MCHR2: variants seen among roughly 807,000 people sequenced by gnomAD.
MCHR2 encodes melanin concentrating hormone receptor 2, also known as melanin-concentrating hormone receptor 2.
Under a neutral mutation model 24.8 loss-of-function variants are expected in MCHR2, and 15 were observed. The observed-to-expected ratio is 0.60, with a 90% confidence interval of 0.40 to 0.93. The LOEUF (loss-of-function observed/expected upper bound fraction) is 0.93, where lower values mean the gene tolerates loss of function less well. MCHR2 is among the 40% of genes least tolerant of loss of function. The probability of loss-of-function intolerance (pLI) is 0.00; values close to 1 mark genes in which losing one functional copy is unlikely to be tolerated. For missense variants in MCHR2, 386 were observed against 408.7 expected (o/e 0.94, Z 0.48); for synonymous variants, 151 against 147.6 (o/e 1.02, Z -0.17).
intron 1 of MCHR2, among the ~76,000 whole-genome samples, chr6:99,967,363 T>C (rs1775313914): frequency 6.6e-6 from 1 of 152,044 alleles, no homozygotes; most frequent in Non-Finnish European, 1.5e-5. Flanking sequence ...AAGACAGTGT[T>C]AAGAAGTCTG....
At chr6:99,935,786 G>C (rs1301295588) in intron 4 of MCHR2, among the ~76,000 whole-genome samples, 2 of 151,666 alleles carry the variant, frequency 1.3e-5, no homozygotes, top group South Asian at 2.1e-4. Context: ...AGCCTTTATA[G>C]TGATTGTAAC....
At chr6:99,991,384 C>T (rs1051157371) in intron 1 of MCHR2, among the ~76,000 whole-genome samples, 5 of 152,282 alleles carry the variant, frequency 3.3e-5, no homozygotes, top group African/African-American at 9.6e-5. Flanking sequence ...AAATTTGGAC[C>T]TAATCTTGGC....
intron 1 of MCHR2, among the ~76,000 whole-genome samples, chr6:99,982,167 A>G (rs1365479210): frequency 6.6e-6 from 1 of 152,008 alleles, no homozygotes; most frequent in African/African-American, 2.4e-5. Context: ...TTCTCACTGC[A>G]GTTATGGCGG....
intron 1 of MCHR2, among the ~76,000 whole-genome samples, chr6:99,963,604 A>T (rs77468011): frequency 0.14 from 20,998 of 152,070 alleles, 1,638 homozygotes; most frequent in African/African-American, 0.2. Flanking sequence ...TTTATAGTTC[A>T]TAATACTGTA....
At chr6:99,973,668 C>T (rs1775484790) in intron 1 of MCHR2, among the ~76,000 whole-genome samples, 1 of 152,192 alleles carries the variant, frequency 6.6e-6, no homozygotes. Flanking sequence ...ATGGTCTTTA[C>T]ATTTTGGCAT....
chr6:99,962,475 G>T (rs1448765109), intron 1 of MCHR2, among the ~76,000 whole-genome samples: 2 of 152,070 alleles, frequency 1.3e-5, no homozygotes, highest in African/African-American at 4.8e-5. Context: ...TTCAACAAGG[G>T]TGCCAAAGTA....
At chr6:99,973,272 G>T (rs1177713611) in intron 1 of MCHR2, among the ~76,000 whole-genome samples, 1 of 151,670 alleles carries the variant, frequency 6.6e-6, no homozygotes, top group Non-Finnish European at 1.5e-5. Flanking sequence ...ATTTATTTAT[G>T]ATAGTTAGCT....
At chr6:99,954,109 C>T (rs905088642) in intron 2 of MCHR2, among the ~76,000 whole-genome samples, 1 of 152,068 alleles carries the variant, frequency 6.6e-6, no homozygotes, top group East Asian at 1.9e-4. Context: ...AATCCAACAA[C>T]TGTCTCTATA....
intron 5 of MCHR2, among the ~76,000 whole-genome samples, chr6:99,932,957 T>G (rs866700456): frequency 1.4e-4 from 22 of 152,162 alleles, no homozygotes; most frequent in African/African-American, 5.3e-4. Flanking sequence ...ATGGGAAAAC[T>G]GAGTGAGGGG....
intron 1 of MCHR2, among the ~76,000 whole-genome samples, chr6:99,988,306 T>C (rs1775804852): frequency 6.6e-6 from 1 of 152,188 alleles, no homozygotes. Context: ...ATCCTCAGTA[T>C]ACAAATCTTT....
intron 3 of MCHR2, among the ~76,000 whole-genome samples, chr6:99,943,529 C>T (rs1774818693): frequency 6.6e-6 from 1 of 151,352 alleles, no homozygotes; most frequent in African/African-American, 2.4e-5. Context: ...TGTTCCCCTT[C>T]CTGTGTCCAT....
chr6:99,965,525 T>C (rs1225154379), intron 1 of MCHR2, among the ~76,000 whole-genome samples: 1 of 152,148 alleles, frequency 6.6e-6, no homozygotes, highest in Non-Finnish European at 1.5e-5. Flanking sequence ...TTTTAAAAAG[T>C]CAAAATGATT....
intron 1 of MCHR2, among the ~76,000 whole-genome samples, chr6:99,974,339 C>T (rs959839522): frequency 3.3e-5 from 5 of 152,192 alleles, no homozygotes; most frequent in Non-Finnish European, 7.3e-5. Flanking sequence ...CACTTTCTTC[C>T]AGTTGATTGC....
At chr6:99,946,085 C>T (rs1398843361) in intron 3 of MCHR2, among the ~76,000 whole-genome samples, 1 of 151,380 alleles carries the variant, frequency 6.6e-6, no homozygotes, top group Non-Finnish European at 1.5e-5. Context: ...TAAAGAAGCT[C>T]GTATTATCCC....
At chr6:99,975,803 C>G (rs1209699774) in intron 1 of MCHR2, among the ~76,000 whole-genome samples, 1 of 152,244 alleles carries the variant, frequency 6.6e-6, no homozygotes, top group Non-Finnish European at 1.5e-5. Context: ...AGTGGCTAAA[C>G]ACTTAAATCA....
At chr6:99,929,252 T>C (rs961486942) in intron 5 of MCHR2, among the ~76,000 whole-genome samples, 2 of 152,194 alleles carry the variant, frequency 1.3e-5, no homozygotes, top group Admixed American at 1.3e-4. Context: ...AGAGCTTTAC[T>C]TCCAAGTATG....
intron 1 of MCHR2, among the ~76,000 whole-genome samples, chr6:99,990,861 C>G (rs1775860116): frequency 6.7e-6 from 1 of 150,364 alleles, no homozygotes; most frequent in South Asian, 2.2e-4. Flanking sequence ...CTCCTCCTTC[C>G]CACCCTGATG....
At chr6:99,991,808 CA>C (rs3038469) in intron 1 of MCHR2, among the ~76,000 whole-genome samples, 8,543 of 81,842 alleles carry the variant, frequency 0.1, 295 homozygotes, top group African/African-American at 0.22. Flanking sequence ...GACTCCGTCT[CA>C]AAAAAAAAAA....
intron 5 of MCHR2, among the ~76,000 whole-genome samples, chr6:99,925,782 GTTA>G (rs1454482942): frequency 6.7e-6 from 1 of 150,200 alleles, no homozygotes; most frequent in Non-Finnish European, 1.5e-5. Context: ...AGTTGTTGTA[GTTA>G]TTATTTTTGT....
Sources: allele counts gnomAD v4.1 joint callset (sites outside exome capture counted in the v4.1 genomes callset), GRCh38; gene constraint gnomAD v4.1.1; transcripts MANE v1.5; gene names NCBI Gene and HGNC (gene_info 2026-07-23, HGNC 2026-07-21).